The following MSR1 variants were observed in gnomAD, a reference collection of about 807,000 sequenced individuals.
The protein encoded by MSR1 is macrophage scavenger receptor types I and II.
A neutral mutation model predicts 47.2 loss-of-function variants in MSR1; 53 were observed. The ratio of observed to expected loss-of-function variants is 1.12; its 90% confidence interval spans 0.90 to 1.41. MSR1 has a LOEUF of 1.41. Ranked by LOEUF, MSR1 falls within the 40% of genes most tolerant of loss-of-function variation. MSR1 has a pLI of 0.00. For missense variants in MSR1, 786 were observed against 546.9 expected (o/e 1.44, Z -4.36); for synonymous variants, 239 against 185.6 (o/e 1.29, Z -2.34).
At chr8:16,154,006 A>G (rs1039692468) in intron 6 of MSR1, among the ~76,000 whole-genome samples, 9 of 151,960 alleles carry the variant, frequency 5.9e-5, no homozygotes, top group African/African-American at 1.9e-4. Context: ...TTTTATATAT[A>G]TAAAACATGT....
intron 8 of MSR1, among the ~76,000 whole-genome samples, chr8:16,128,118 C>G (rs1008222023): frequency 6.6e-6 from 1 of 152,080 alleles, no homozygotes; most frequent in Non-Finnish European, 1.5e-5. Context: ...AATTTAGGCC[C>G]TCTTTAAGAA....
At chr8:16,155,286 T>G in intron 5 of MSR1, 142 bp from the exon 6 acceptor site, 1 of 660,362 alleles carries the variant, frequency 1.5e-6, no homozygotes, top group Non-Finnish European at 2.7e-6. Context: ...CTGAACTTCA[T>G]GAATGGAGGA....
chr8:16,148,686 G>A lies in MSR1; in HGVS notation c.979+1545C>T, dbSNP rs189900965. ...TTGAACTGATGACCTCAAGTGATCC[G>A]CCCACCTCAGTGATCTGCCTGCCTT... On this transcript the variant is annotated intron_variant, in intron 7 of 9. Transcript: ENST00000262101. 6.0e-4 allele frequency among the ~76,000 whole-genome samples: 91 copies of A among 151,992 alleles called. 2 individuals carry two copies. The East Asian group carries it at 0.015, about 26-fold the overall frequency.
At chr8:16,144,976 A>T (rs201372758) in intron 7 of MSR1, among the ~76,000 whole-genome samples, 1 of 145,608 alleles carries the variant, frequency 6.9e-6, no homozygotes, top group South Asian at 2.2e-4. Context: ...TTCTTAGAGA[A>T]GATTTTGGAT....
In MSR1 at chr8:16,174,395, A is replaced by C. The variant is rs34397101; in HGVS notation, c.217+792T>G. Among the ~76,000 whole-genome samples, 477 of 152,338 alleles carry C rather than the reference A, an allele frequency of 3.1e-3. 1 individual carries two copies. Among genetic ancestry groups the C allele is most frequent in the Middle Eastern group, 6.8e-3 (2 of 294 alleles). Reference sequence around the variant, plus strand: ...TATAAGGCATATAAATTCAAATGCCAATCGAAATACATCAAATCCATCCAA... The same window carrying C: ...TATAAGGCATATAAATTCAAATGCCCATCGAAATACATCAAATCCATCCAA... On this transcript the variant is annotated intron_variant, in intron 3 of 9. Transcript: ENST00000262101.
intron 9 of MSR1, among the ~76,000 whole-genome samples, chr8:16,111,569 T>A (rs351542): frequency 6.6e-6 from 1 of 152,124 alleles, no homozygotes; most frequent in Non-Finnish European, 1.5e-5. Context: ...CCAACATGAA[T>A]AGCAAAGGAA....
chr8:16,186,127 T>C (rs1300516401), intron 1 of MSR1: 1 of 1,508,360 alleles, frequency 6.6e-7, no homozygotes, highest in Non-Finnish European at 8.9e-7. Context: ...TGAAAGTCCC[T>C]GAGTGCATAA....
chr8:16,137,947 G>T (rs960372960), intron 8 of MSR1, among the ~76,000 whole-genome samples: 1 of 151,208 alleles, frequency 6.6e-6, no homozygotes, highest in Non-Finnish European at 1.5e-5. Flanking sequence ...AGCTATGGTC[G>T]TGCCACTGTA....
chr8:16,171,026 C>G (rs571546664), intron 3 of MSR1, among the ~76,000 whole-genome samples: 1 of 151,804 alleles, frequency 6.6e-6, no homozygotes, highest in African/African-American at 2.4e-5. Flanking sequence ...GAGTTCGAGA[C>G]CAGCCTGGCA....
intron 1 of MSR1, among the ~76,000 whole-genome samples, chr8:16,180,466 T>C (rs1801795940): frequency 6.6e-6 from 1 of 152,198 alleles, no homozygotes; most frequent in Admixed American, 6.6e-5. Context: ...GACCACATTT[T>C]AAGAACCTTT....
chr8:16,177,804 G>GT, intron 2 of MSR1, 82 bp downstream of exon 2: 3 of 1,065,576 alleles, frequency 2.8e-6, no homozygotes, highest in Non-Finnish European at 4.3e-6. Context: ...TACATTTAAG[G>GT]TAAGTCTCAA....
At chr8:16,148,808 C>A (rs1228429603) in intron 7 of MSR1, among the ~76,000 whole-genome samples, 1 of 151,980 alleles carries the variant, frequency 6.6e-6, no homozygotes, top group Non-Finnish European at 1.5e-5. Flanking sequence ...AATGGATAAA[C>A]AAATTGTGGT....
chr8:16,178,504 T>A (rs1392043888), intron 1 of MSR1, among the ~76,000 whole-genome samples: 1 of 152,206 alleles, frequency 6.6e-6, no homozygotes, highest in African/African-American at 2.4e-5. Context: ...CAGGCTATCG[T>A]TGGACATTTG....
At chr8:16,166,753 G>A (rs758635661) in intron 4 of MSR1, among the ~76,000 whole-genome samples, 3 of 151,770 alleles carry the variant, frequency 2.0e-5, no homozygotes, top group Non-Finnish European at 2.9e-5. Flanking sequence ...TTAATTTTTG[G>A]TGTGTCCTTG....
chr8:16,168,954 T>G, intron 3 of MSR1, 84 bp from the exon 4 acceptor site: 1 of 1,352,814 alleles, frequency 7.4e-7, no homozygotes, highest in Admixed American at 1.8e-5. Context: ...TCCATTCCGT[T>G]CATTTTATTC....
intron 8 of MSR1, chr8:16,140,611 A>C (rs1292157418): frequency 1.8e-6 from 2 of 1,095,544 alleles, no homozygotes; most frequent in Admixed American, 9.3e-5. Flanking sequence ...CACTCTTCCA[A>C]GTTAGGGTGA....
chr8:16,154,878 A>G (rs1479667391), intron 6 of MSR1, among the ~76,000 whole-genome samples, 186 bp downstream of exon 6: 3 of 151,884 alleles, frequency 2.0e-5, no homozygotes, highest in Non-Finnish European at 4.4e-5. Flanking sequence ...TGATTAGGCT[A>G]CTAGAACATT....
chr8:16,113,023 T>G (rs1011987501), intron 9 of MSR1, among the ~76,000 whole-genome samples: 1 of 147,008 alleles, frequency 6.8e-6, no homozygotes, highest in Non-Finnish European at 1.5e-5. Context: ...TGATCTCGGC[T>G]CACTGCACTT....
At chr8:16,162,499 G>C (rs534786647) in intron 5 of MSR1, among the ~76,000 whole-genome samples, 14 of 151,966 alleles carry the variant, frequency 9.2e-5, no homozygotes, top group Non-Finnish European at 1.3e-4. Context: ...ATTTGTTGTG[G>C]GTGAGCGATG....
Sources: allele counts gnomAD v4.1 joint callset (sites outside exome capture counted in the v4.1 genomes callset), GRCh38; gene constraint gnomAD v4.1.1; transcripts MANE v1.5; gene names NCBI Gene and HGNC (gene_info 2026-07-23, HGNC 2026-07-21).